PLEKHH2: variants seen among roughly 807,000 people sequenced by gnomAD.
PLEKHH2 encodes the protein pleckstrin homology domain-containing family H member 2.
A neutral mutation model predicts 187.9 loss-of-function variants in PLEKHH2; 129 were observed. The ratio of observed to expected loss-of-function variants is 0.69; its 90% confidence interval spans 0.59 to 0.79. The LOEUF (loss-of-function observed/expected upper bound fraction) is 0.79. Among genes scored for constraint, PLEKHH2 ranks in the 30% least tolerant of loss-of-function variants. The pLI, the probability that PLEKHH2 is intolerant of heterozygous loss-of-function variation, is 0.00. For synonymous variants in PLEKHH2, 686 were observed against 605.6 expected, an observed-to-expected ratio of 1.13 and a Z score of -1.95; for missense variants, 2,076 against 1,751.2, an observed-to-expected ratio of 1.19 and a Z score of -3.31.
chr2:43,741,559 T>C (rs1315561936), intron 21 of PLEKHH2, among the ~76,000 whole-genome samples: 1 of 152,222 alleles, frequency 6.6e-6, no homozygotes, highest in Non-Finnish European at 1.5e-5. Flanking sequence ...CCAAGGCTTA[T>C]CCAGGGTCAT....
chr2:43,735,216 A>G (rs1373300339), intron 19 of PLEKHH2, among the ~76,000 whole-genome samples: 3 of 152,144 alleles, frequency 2.0e-5, no homozygotes, highest in African/African-American at 4.8e-5. Flanking sequence ...TGTAGTATAT[A>G]TACACAATGG....
intron 23 of PLEKHH2, among the ~76,000 whole-genome samples, chr2:43,744,610 G>A (rs968438867): frequency 6.6e-6 from 1 of 152,206 alleles, no homozygotes; most frequent in Non-Finnish European, 1.5e-5. Flanking sequence ...GCTTACGCCT[G>A]TAATCCAAGC....
intron 16 of PLEKHH2, among the ~76,000 whole-genome samples, chr2:43,725,946 A>G (rs1349024980): frequency 4.2e-5 from 6 of 142,704 alleles, no homozygotes; most frequent in Non-Finnish European, 6.0e-5. Context: ...CCCTATCTCC[A>G]AAAAAAAATC....
chr2:43,730,648 C>A (rs1670993596), intron 18 of PLEKHH2, among the ~76,000 whole-genome samples: 1 of 152,170 alleles, frequency 6.6e-6, no homozygotes, highest in South Asian at 2.1e-4. Flanking sequence ...ATCCACCCAC[C>A]TCAGCCTCCC....
Position 43,710,088 on chromosome 2 carries a change from C to T in PLEKHH2, c.2065C>T (p.Pro689Ser), listed in dbSNP as rs1475120825. The T allele has an allele frequency of 3.1e-6, 5 of 1,612,752 alleles. No homozygotes were observed. The South Asian group carries it at 4.4e-5, about 14-fold the overall frequency. Residue 689 changes from proline to serine, a missense_variant, in exon 12 of 30, where the codon CCA (proline) becomes TCA (serine). Transcript: ENST00000282406. Reference protein sequence around the residue: ...TEYSQPEQKLPKTCSSSSDNG... With the variant: ...TEYSQPEQKLSKTCSSSSDNG... ...GTACTCACAGCCAGAGCAGAAGCTC[C>T]CAAAAACTTGCTCATCTTCCAGTGA...
In PLEKHH2 at chr2:43,740,926, T is replaced by A; in HGVS notation, c.3124-20T>A. The A allele has an allele frequency of 6.2e-7, 1 of 1,612,254 alleles. No individual in the cohort carries two copies. Among genetic ancestry groups the A allele is most frequent in the Non-Finnish European group, 8.5e-7 (1 of 1,179,156 alleles). On this transcript the variant is annotated intron_variant, in intron 20 of 29. Transcript: ENST00000282406. ...TGACTGGCACGTGGTATCTAACCTG[T>A]GGTGCTTCTCCCTGCCCAGGGCTGG...
chr2:43,738,019 A>T (rs922131362), intron 19 of PLEKHH2, among the ~76,000 whole-genome samples: 3 of 152,196 alleles, frequency 2.0e-5, no homozygotes, highest in African/African-American at 4.8e-5. Context: ...AATGAAAAAT[A>T]TGCTGGATGA....
In PLEKHH2 at chr2:43,700,308, T is replaced by A. The variant is rs751864448; in HGVS notation, c.1350T>A (p.Ser450Arg). 6.2e-7 allele frequency: 1 copy of A among 1,614,086 alleles called. No individual in the cohort carries two copies. Among genetic ancestry groups the A allele is most frequent in the East Asian group, 2.2e-5 (1 of 44,874 alleles). The change falls in exon 8 of 30, where the codon AGT (serine) becomes AGA (arginine). Residue 450 changes from serine to arginine, a missense_variant. By Grantham distance (110) the Ser-to-Arg change is moderately radical. Coordinates refer to ENST00000282406, the MANE Select transcript of PLEKHH2 (RefSeq NM_172069.4). ...KLRIPNVFSI[S>R]VALAKRHLSQ... ...GGATTCCTAATGTTTTCAGTATAAG[T>A]GTAGCACTAGCCAAAAGGCACTTAA...
At chr2:43,757,839 C>G (rs976427538) in intron 26 of PLEKHH2, among the ~76,000 whole-genome samples, 1 of 151,202 alleles carries the variant, frequency 6.6e-6, no homozygotes, top group African/African-American at 2.4e-5. Context: ...CCAGAACAAC[C>G]CTGATAATAA....
In PLEKHH2 at chr2:43,710,517, A is replaced by G; in HGVS notation, c.2243A>G (p.His748Arg). 6.3e-7 allele frequency: 1 copy of G among 1,598,414 alleles called. No individual in the cohort carries two copies. Among genetic ancestry groups the G allele is most frequent in the South Asian group, 1.2e-5 (1 of 86,060 alleles). The part of the protein sequence containing the change: ...PSDVIRKPQG[H>R]IELSASCSIL... ...GATGTAATTAGAAAACCCCAGGGCC[A>G]TATTGAACTTAGTGCATCCTGTAGT... Residue 748 changes from histidine (H) to arginine (R), a missense_variant, in exon 14 of 30, where the codon CAT becomes CGT. Physicochemically the swap from His to Arg is conservative, Grantham distance 29 (BLOSUM62 0). Coordinates refer to ENST00000282406, the MANE Select transcript of PLEKHH2 (RefSeq NM_172069.4).
In PLEKHH2 at chr2:43,712,395, C is replaced by T. The variant is rs768147483; in HGVS notation, c.2460+12C>T. ...GATTGCTCACTAAGGTAGGAACCTC[C>T]TGTGCATAGCAATGTCCCAGGCAGC... On this transcript the variant is annotated intron_variant, in intron 15 of 29. Transcript: ENST00000282406. 8.7e-6 allele frequency: 14 copies of T among 1,612,032 alleles called. No individual in the cohort carries two copies. Among genetic ancestry groups the T allele is most frequent in the Admixed American group, 1.7e-5 (1 of 59,550 alleles).
rs779667613 is a variant in PLEKHH2, at chr2:43,712,315, G to C, written c.2392G>C (p.Val798Leu). 1.2e-6 allele frequency: 2 copies of C among 1,613,980 alleles called. No individual in the cohort carries two copies. The highest frequency in any genetic ancestry group is 3.3e-5 in the Admixed American group (2 of 59,992). Reference sequence around the variant, plus strand: ...TAAAGTGTTACAGAATGTTCTTCGAGTACAAGCTGCCAACCCACTTTCCCT... The same window carrying C: ...TAAAGTGTTACAGAATGTTCTTCGACTACAAGCTGCCAACCCACTTTCCCT... ...WIKVLQNVLR[V>L]QAANPLSLQP... The change falls in exon 15 of 30, where the codon GTA becomes CTA. Residue 798 changes from valine to leucine, a missense_variant. Val to Leu is a conservative substitution (Grantham distance 32). Transcript: ENST00000282406.
At chr2:43,702,995 T>C (rs985964767) in intron 8 of PLEKHH2, among the ~76,000 whole-genome samples, 1 of 152,168 alleles carries the variant, frequency 6.6e-6, no homozygotes, top group Admixed American at 6.5e-5. Flanking sequence ...TTACTGCCCT[T>C]ATTGTTATAT....
At chr2:43,721,753 G>T (rs539398923) in intron 16 of PLEKHH2, among the ~76,000 whole-genome samples, 1 of 152,100 alleles carries the variant, frequency 6.6e-6, no homozygotes, top group African/African-American at 2.4e-5. Context: ...GAGTGTGGTA[G>T]TGTGTGCCTG....
chr2:43,708,010 G>A (rs1222284664), intron 11 of PLEKHH2, among the ~76,000 whole-genome samples: 1 of 152,154 alleles, frequency 6.6e-6, no homozygotes, highest in African/African-American at 2.4e-5. Flanking sequence ...GTAGGTAGTG[G>A]TTACAGAGAG....
At chr2:43,669,632 C>T (rs2104397869) in intron 2 of PLEKHH2, among the ~76,000 whole-genome samples, 1 of 151,980 alleles carries the variant, frequency 6.6e-6, no homozygotes, top group South Asian at 2.1e-4. Context: ...TAAACTAAGA[C>T]TAAAGCAGAA....
intron 2 of PLEKHH2, among the ~76,000 whole-genome samples, chr2:43,665,550 C>G (rs1667155780): frequency 8.6e-6 from 1 of 116,940 alleles, no homozygotes; most frequent in East Asian, 2.4e-4. Flanking sequence ...GAGAGGCGCT[C>G]TGCGTTTTAG....
At position 43,745,875 on chromosome 2, in the gene PLEKHH2, A is replaced by C. The variant is rs781362827; in HGVS notation, c.3565A>C (p.Ile1189Leu). 1.2e-6 allele frequency: 2 copies of C among 1,608,062 alleles called. No individual in the cohort carries two copies. The highest frequency in any genetic ancestry group is 1.1e-5 in the South Asian group (1 of 90,242). Reference protein sequence around the residue: ...CLQGNIKICDIISKWEQASKE... With the variant: ...CLQGNIKICDLISKWEQASKE... ...TCCACTTCCTTTCTAGATTTGTGACATTATTTCCAAATGGGAACAGGCTTC... is the reference window on the plus strand; with the variant it reads ...TCCACTTCCTTTCTAGATTTGTGACCTTATTTCCAAATGGGAACAGGCTTC... Residue 1189 changes from isoleucine to leucine, a missense_variant, in exon 24 of 30, where the codon ATT becomes CTT. By Grantham distance (5) the Ile-to-Leu change is conservative (BLOSUM62 2). Transcript: ENST00000282406.
At chr2:43,752,774 G>T (rs1373006709) in intron 24 of PLEKHH2, among the ~76,000 whole-genome samples, 1 of 152,094 alleles carries the variant, frequency 6.6e-6, no homozygotes, top group Non-Finnish European at 1.5e-5. Flanking sequence ...TCTCACATAT[G>T]AATAAATGAC....
Sources: gnomAD v4.1 joint callset for allele counts (sites outside exome capture counted in the v4.1 genomes callset) on GRCh38, gnomAD v4.1.1 for gene constraint, MANE v1.5 for transcripts, NCBI Gene and HGNC (gene_info 2026-07-23, HGNC 2026-07-21) for gene names.